The following PKP2 variants were observed in gnomAD, a reference collection of about 807,000 sequenced individuals.
PKP2 encodes the protein plakophilin-2.
In PKP2, 73 loss-of-function variants were observed where a neutral mutation model predicts 83.4. That is an observed-to-expected ratio of 0.88 (90% CI 0.72 to 1.06). PKP2 has a LOEUF of 1.06. PKP2 is among the 50% of genes least tolerant of loss of function. The probability of loss-of-function intolerance (pLI) is 0.00; values close to 1 mark genes in which losing one functional copy is unlikely to be tolerated. For missense variants in PKP2, 966 were observed against 1,065.4 expected (o/e 0.91, Z 1.30); for synonymous variants, 409 against 430.4 (o/e 0.95, Z 0.62).
chr12:32,885,035 T>C (rs1957019508), intron 1 of PKP2, among the ~76,000 whole-genome samples: 1 of 152,212 alleles, frequency 6.6e-6, no homozygotes, highest in African/African-American at 2.4e-5. Flanking sequence ...GCACATTTTA[T>C]GGAGCCCATT....
chr12:32,874,570 T>C (rs1287752789), intron 3 of PKP2, among the ~76,000 whole-genome samples: 2 of 152,222 alleles, frequency 1.3e-5, no homozygotes, highest in Non-Finnish European at 2.9e-5. Flanking sequence ...GTGTTCCTTC[T>C]ACTCTTGGAA....
chr12:32,865,258 C>G (rs1956836571), intron 4 of PKP2, among the ~76,000 whole-genome samples: 1 of 151,660 alleles, frequency 6.6e-6, no homozygotes. Context: ...GCCTGTAATC[C>G]CAGCTCTTCA....
intron 4 of PKP2, among the ~76,000 whole-genome samples, chr12:32,859,223 A>G (rs1056296915): frequency 6.6e-6 from 1 of 152,186 alleles, no homozygotes. Flanking sequence ...GAAAGACTAG[A>G]TAAAGGTGAA....
intron 9 of PKP2, among the ~76,000 whole-genome samples, chr12:32,808,751 G>A (rs556628654): frequency 2.0e-5 from 3 of 152,038 alleles, no homozygotes; most frequent in South Asian, 2.1e-4. Flanking sequence ...TTCTTTTCAC[G>A]GTCAGGCTAC....
At chr12:32,849,075 T>C (rs1485446993) in intron 5 of PKP2, among the ~76,000 whole-genome samples, 4 of 151,358 alleles carry the variant, frequency 2.6e-5, no homozygotes, top group East Asian at 1.9e-4. Context: ...ATCTGTAAAA[T>C]TGAGATATAG....
In PKP2 at chr12:32,823,292, C is replaced by T. The variant is rs187630012; in HGVS notation, c.1675-661G>A. Among the ~76,000 whole-genome samples, 656 of 152,022 alleles carry T rather than the reference C, an allele frequency of 4.3e-3. 3 individuals are homozygous for T. Among genetic ancestry groups the T allele is most frequent in the African/African-American group, 0.015 (623 of 41,482 alleles). On this transcript the variant is annotated intron_variant, in intron 7 of 12. Coordinates refer to ENST00000340811, the MANE Select transcript of PKP2 (RefSeq NM_001005242.3). ...ATTAGCTGGGCATGGTGGCGTACAC[C>T]TGTAATCCCAGTTATTTGGGAAGCT... is the stretch of plus-strand genomic sequence containing the variant.
intron 5 of PKP2, among the ~76,000 whole-genome samples, chr12:32,846,517 G>A (rs758205312): frequency 3.3e-5 from 5 of 152,110 alleles, no homozygotes; most frequent in Admixed American, 6.6e-5. Context: ...GGCTGAGGCC[G>A]GCAGATCACC....
At chr12:32,840,971 G>C (rs1427835396) in intron 6 of PKP2, 57 bp downstream of exon 6, 10 of 1,308,220 alleles carry the variant, frequency 7.6e-6, no homozygotes, top group Non-Finnish European at 9.9e-6. Context: ...TGACTTCCTT[G>C]GGGCTACCTA....
In PKP2 at chr12:32,792,415, T is replaced by C. The variant is rs1411540173; in HGVS notation, c.*9A>G. On this transcript the variant is annotated 3_prime_UTR_variant, in exon 13 of 13. Coordinates refer to ENST00000340811, the MANE Select transcript of PKP2 (RefSeq NM_001005242.3). The stretch of plus-strand genomic sequence containing the variant: ...GATTTTTGCAGCCGAGAATACTTTG[T>C]CATTTTCCTCAGTCTTTAAGGGAGT... 4.4e-6 allele frequency: 7 copies of C among 1,607,954 alleles called. No homozygotes were observed. The highest frequency in any genetic ancestry group is 6.0e-6 in the Non-Finnish European group (7 of 1,174,288).
intron 1 of PKP2, among the ~76,000 whole-genome samples, chr12:32,884,283 G>A (rs561406498): frequency 1.3e-5 from 2 of 152,190 alleles, no homozygotes; most frequent in African/African-American, 2.4e-5. Flanking sequence ...GTGAAATCCC[G>A]TCTCTACTAA....
chr12:32,881,650 ATTATTG>A (rs1956987141), intron 1 of PKP2, among the ~76,000 whole-genome samples: 1 of 152,018 alleles, frequency 6.6e-6, no homozygotes, highest in Non-Finnish European at 1.5e-5. Flanking sequence ...AACTCATATT[ATTATTG>A]TTATTATTAT....
At chr12:32,820,114 C>G (rs1956362689) in intron 9 of PKP2, 1 of 152,198 alleles carries the variant, frequency 6.6e-6, no homozygotes, top group Non-Finnish European at 1.5e-5. Flanking sequence ...TGGTTGCATT[C>G]TTAACCACAA....
intron 6 of PKP2, among the ~76,000 whole-genome samples, chr12:32,829,969 G>C (rs1956483330): frequency 6.6e-6 from 1 of 151,958 alleles, no homozygotes; most frequent in African/African-American, 2.4e-5. Context: ...CCTGGGACCA[G>C]TCTTGAAGTT....
chr12:32,871,772 A>G (rs866237913), intron 3 of PKP2, among the ~76,000 whole-genome samples: 24 of 151,846 alleles, frequency 1.6e-4, no homozygotes, highest in Middle Eastern at 3.4e-3. Flanking sequence ...CCACATTTTT[A>G]AATTTTTTGT....
At chr12:32,858,132 ATT>A (rs1555146139) in intron 4 of PKP2, among the ~76,000 whole-genome samples, 3 of 98,332 alleles carry the variant, frequency 3.1e-5, no homozygotes, top group South Asian at 3.0e-4. Flanking sequence ...TATATTTTAT[ATT>A]TATATATATA....
intron 6 of PKP2, among the ~76,000 whole-genome samples, chr12:32,840,644 A>G (rs967152781): frequency 6.6e-6 from 1 of 152,202 alleles, no homozygotes; most frequent in Non-Finnish European, 1.5e-5. Context: ...TAGCTAACAT[A>G]ATGCTTTACA....
In PKP2 at chr12:32,841,946, T is replaced by A. The variant is rs185667031; in HGVS notation, c.1379-741A>T. Among the ~76,000 whole-genome samples, 727 of 152,298 alleles carry A rather than the reference T, an allele frequency of 4.8e-3. 6 individuals are homozygous for A. The highest frequency in any genetic ancestry group is 8.6e-3 in the Admixed American group (132 of 15,300). ...GTACTGCTCAAAGATTAGTACCCTATTTACTCATTAAATTTTCTCTTTCCT... is the reference window on the plus strand; with the variant it reads ...GTACTGCTCAAAGATTAGTACCCTAATTACTCATTAAATTTTCTCTTTCCT... On this transcript the variant is annotated intron_variant, in intron 5 of 12. Transcript: ENST00000340811.
At chr12:32,798,999 A>C (rs528670709) in intron 10 of PKP2, among the ~76,000 whole-genome samples, 1 of 152,326 alleles carries the variant, frequency 6.6e-6, no homozygotes, top group African/African-American at 2.4e-5. Context: ...GTGGGAGAAA[A>C]TATTCACAAA....
chr12:32,822,320 T>C (rs1477944579), intron 8 of PKP2, 147 bp downstream of exon 8: 1 of 705,286 alleles, frequency 1.4e-6, no homozygotes. Context: ...GTATTAATAA[T>C]ACACACTTCA....
Sources: allele counts gnomAD v4.1 joint callset (sites outside exome capture counted in the v4.1 genomes callset), GRCh38; gene constraint gnomAD v4.1.1; transcripts MANE v1.5; gene names NCBI Gene and HGNC (gene_info 2026-07-23, HGNC 2026-07-21).